The following RBFOX3 variants were observed in gnomAD, a reference collection of about 807,000 sequenced individuals.
The protein encoded by RBFOX3 is RNA binding fox-1 homolog 3.
In RBFOX3, 17 loss-of-function variants were observed where a neutral mutation model predicts 48.7. The observed-to-expected ratio is 0.35, with a 90% CI of 0.24 to 0.52. The LOEUF (loss-of-function observed/expected upper bound fraction) is 0.52. Among genes scored for constraint, RBFOX3 ranks in the 20% least tolerant of loss-of-function variants. The pLI is 0.94. For missense variants in RBFOX3, 382 were observed against 497.5 expected (o/e 0.77, Z 2.21); for synonymous variants, 212 against 209.5 (o/e 1.01, Z -0.10).
rs143770816 is a variant in RBFOX3, at chr17:79,222,202, G to A, written c.-34+13564C>T. 3.7e-4 allele frequency among the ~76,000 whole-genome samples: 49 copies of A among 133,828 alleles called. 1 individual carries two copies. In the East Asian group the frequency reaches 6.3e-3, roughly 17 times the overall value. The allele number at this position is 133,828 out of a possible 152,430, so 87.8% of individuals were successfully genotyped here. On this transcript the variant is annotated intron_variant, in intron 4 of 14. Coordinates refer to ENST00000693108, the MANE Select transcript of RBFOX3 (RefSeq NM_001350451.2). Reference sequence around the variant, plus strand: ...TTCTACCTGCAGCCTGATTTCTACCGGCAGCCTGATTTCTAGCAGATCTAA... The same window carrying A: ...TTCTACCTGCAGCCTGATTTCTACCAGCAGCCTGATTTCTAGCAGATCTAA...
the RBFOX3 span, among the ~76,000 whole-genome samples, chr17:79,620,480 C>T: frequency 6.8e-6 from 1 of 146,022 alleles, no homozygotes; most frequent in Non-Finnish European, 1.5e-5. Context: ...CGTGCACACA[C>T]GCACGTGCAC....
rs1224056393 is a variant in RBFOX3 at position 79,482,781 on chromosome 17, C to T, written c.-319-183G>A. Among the ~76,000 whole-genome samples the T allele has an allele frequency of 6.6e-6, 1 of 152,006 alleles. No homozygotes were observed. The highest frequency in any genetic ancestry group is 2.4e-5 in the African/African-American group (1 of 41,334). On this transcript the variant is annotated intron_variant, in intron 1 of 14. Transcript: ENST00000693108. This position sits in a 1 kb window ranked among gnomAD's most constrained non-coding sequence, Gnocchi z 4.1. Reference sequence around the variant, plus strand: ...CCAAAGGGCACTTTGCTTTTTATGCCCCAGGGGAGTAAAAGGAAACTTGCA... The same window carrying T: ...CCAAAGGGCACTTTGCTTTTTATGCTCCAGGGGAGTAAAAGGAAACTTGCA...
Position 79,184,481 on chromosome 17 carries a change from A to G in RBFOX3, c.-34+51285T>C, listed in dbSNP as rs117435733. On this transcript the variant is annotated intron_variant, in intron 4 of 14. Transcript: ENST00000693108. ...CCACTGTGACTGTGCACACACCTGC[A>G]GCTTCAGCGGCCACACACACACCCA... Among the ~76,000 whole-genome samples, 106 of 152,278 alleles carry G rather than the reference A, an allele frequency of 7.0e-4. 3 individuals are homozygous for G. The East Asian group carries it at 0.019, about 27-fold the overall frequency.
intron 2 of RBFOX3, among the ~76,000 whole-genome samples, chr17:79,435,464 G>A (rs1555730593): frequency 6.6e-6 from 1 of 152,216 alleles, no homozygotes. Context: ...GGCACCCCTT[G>A]ATCCTGGTTC....
intron 2 of RBFOX3, among the ~76,000 whole-genome samples, chr17:79,434,315 A>T (rs1332299993): frequency 2.6e-5 from 4 of 152,232 alleles, no homozygotes; most frequent in Non-Finnish European, 4.4e-5. Context: ...CAAGTAGATG[A>T]ATTTGCAAAT....
rs1307127891 is a variant in RBFOX3 at position 79,391,018 on chromosome 17, G to C, written c.-174-83194C>G. Among the ~76,000 whole-genome samples the C allele has an allele frequency of 6.6e-6, 1 of 152,160 alleles. No homozygotes were observed. On this transcript the variant is annotated intron_variant, in intron 2 of 14. Transcript: ENST00000693108. The surrounding 1 kb of genome is among the most constrained non-coding windows in gnomAD (Gnocchi z 5.0). ...ATTCCCACAGATCCTTCCCTGGAAG[G>C]CTTTCTCGCTGTCTCTTCAAAGTCT...
chr17:79,129,035 C>T (rs1051279444), intron 4 of RBFOX3, among the ~76,000 whole-genome samples: 1 of 152,116 alleles, frequency 6.6e-6, no homozygotes, highest in South Asian at 2.1e-4. Context: ...GACCCCGAGA[C>T]CCTGAGCACA....
At chr17:79,491,415 C>T (rs1057451615) in intron 1 of RBFOX3, among the ~76,000 whole-genome samples, 1 of 151,866 alleles carries the variant, frequency 6.6e-6, no homozygotes, top group Non-Finnish European at 1.5e-5. Flanking sequence ...TTCGGAAGCA[C>T]GCTCTGGTGC....
At chr17:79,354,934 A>T (rs2084678089) in intron 2 of RBFOX3, among the ~76,000 whole-genome samples, 1 of 152,202 alleles carries the variant, frequency 6.6e-6, no homozygotes, top group Non-Finnish European at 1.5e-5. Flanking sequence ...AGAGAATTGC[A>T]CTTGGTTCGG....
At chr17:79,169,802 G>A (rs2048772173) in intron 4 of RBFOX3, among the ~76,000 whole-genome samples, 1 of 152,186 alleles carries the variant, frequency 6.6e-6, no homozygotes, top group Non-Finnish European at 1.5e-5. Context: ...AGTGGCGATG[G>A]CTGCACAACG....
intron 2 of RBFOX3, among the ~76,000 whole-genome samples, chr17:79,478,969 T>C (rs62062826): frequency 0.17 from 26,219 of 152,078 alleles, 2,802 homozygotes; most frequent in East Asian, 0.44. Context: ...AGGAAACTGC[T>C]TCCTCCCCAC....
intron 3 of RBFOX3, among the ~76,000 whole-genome samples, chr17:79,277,303 A>AGGG (rs372298818): frequency 2.5e-4 from 19 of 76,740 alleles, no homozygotes; most frequent in East Asian, 1.3e-3. Context: ...AATGGTGGGG[A>AGGG]GGGGGGGGGT....
chr17:79,094,065 G>A (rs989124095), intron 14 of RBFOX3, among the ~76,000 whole-genome samples: 4 of 152,186 alleles, frequency 2.6e-5, no homozygotes, highest in Non-Finnish European at 2.9e-5. Flanking sequence ...AACAGCCCCG[G>A]GGCCTTGGGA....
chr17:79,104,269 C>A (rs2146569253), intron 6 of RBFOX3, 143 bp from the exon 7 acceptor site: 1 of 737,126 alleles, frequency 1.4e-6, no homozygotes, highest in Non-Finnish European at 2.3e-6. Flanking sequence ...AGACCGGGGA[C>A]CCCCTCCCAC....
chr17:79,413,185 A>C (rs77144269), intron 2 of RBFOX3, among the ~76,000 whole-genome samples: 12,829 of 152,312 alleles, frequency 0.084, 705 homozygotes, highest in Non-Finnish European at 0.13. Context: ...AAATCAGCCC[A>C]GACCCAGCCT....
intron 3 of RBFOX3, among the ~76,000 whole-genome samples, chr17:79,263,740 C>T (rs1433337092): frequency 2.6e-5 from 4 of 152,260 alleles, no homozygotes; most frequent in Admixed American, 1.3e-4. Context: ...GGGCAGCCAG[C>T]GAATGGCTGG....
rs534797147 is a variant in RBFOX3, at chr17:79,109,254, C to A, written c.223-2466G>T. The stretch of plus-strand genomic sequence containing the variant: ...TGGGGTTCCCTGACATGTGCCACCC[C>A]CATCAGTGGGGGCTGAGCTTTGGCA... On this transcript the variant is annotated intron_variant, in intron 5 of 14. Transcript: ENST00000693108. 2.6e-5 allele frequency among the ~76,000 whole-genome samples: 4 copies of A among 152,314 alleles called. No individual in the cohort carries two copies. The South Asian group carries it at 8.3e-4, about 32-fold the overall frequency.
intron 2 of RBFOX3, among the ~76,000 whole-genome samples, chr17:79,448,078 C>T (rs1213774225): frequency 3.9e-5 from 6 of 152,192 alleles, no homozygotes; most frequent in Non-Finnish European, 5.9e-5. Context: ...CTCCCAGCCA[C>T]GCTTCTGGTA....
chr17:79,283,343 A>G (rs1328195814), intron 3 of RBFOX3, among the ~76,000 whole-genome samples: 1 of 144,022 alleles, frequency 6.9e-6, no homozygotes, highest in Non-Finnish European at 1.5e-5. Flanking sequence ...ATCTCGGCTC[A>G]CTGCAACCTC....
Sources: gnomAD v4.1 joint callset for allele counts (sites outside exome capture counted in the v4.1 genomes callset) on GRCh38, gnomAD v4.1.1 for gene constraint, Gnocchi (gnomAD v3.1) non-coding constraint, MANE v1.5 for transcripts, NCBI Gene and HGNC (gene_info 2026-07-23, HGNC 2026-07-21) for gene names.